RTN1: variants seen among roughly 807,000 people sequenced by gnomAD.
RTN1 encodes reticulon 1.
Under a neutral mutation model 65.5 loss-of-function variants are expected in RTN1, and 25 were observed. That is an observed-to-expected ratio of 0.38 (90% CI 0.28 to 0.53). RTN1 has a LOEUF of 0.53. Among genes scored for constraint, RTN1 ranks in the 20% least tolerant of loss-of-function variants. The probability of loss-of-function intolerance (pLI) is 0.79; values close to 1 mark genes in which losing one functional copy is unlikely to be tolerated. For synonymous variants in RTN1, 471 were observed against 447.6 expected (o/e 1.05, Z -0.66); for missense variants, 983 against 1,025.4 (o/e 0.96, Z 0.57).
intron 3 of RTN1, among the ~76,000 whole-genome samples, chr14:59,696,869 C>T (rs1419295033): frequency 2.0e-5 from 3 of 152,114 alleles, no homozygotes; most frequent in African/African-American, 7.2e-5. Flanking sequence ...TTAGTAAGAG[C>T]TTCCTAACTG....
chr14:59,710,134 C>A (rs990160778), intron 3 of RTN1, among the ~76,000 whole-genome samples: 2 of 151,746 alleles, frequency 1.3e-5, no homozygotes, highest in African/African-American at 4.8e-5. Flanking sequence ...CCTTACCCTC[C>A]CAGGCTCAAG....
chr14:59,741,453 T>C (rs1338252555), intron 2 of RTN1, among the ~76,000 whole-genome samples: 1 of 152,232 alleles, frequency 6.6e-6, no homozygotes, highest in Non-Finnish European at 1.5e-5. Context: ...TGTGTATGTC[T>C]TCTCAACTAG....
intron 1 of RTN1, among the ~76,000 whole-genome samples, chr14:59,819,767 T>A (rs2139626016): frequency 6.6e-6 from 1 of 152,202 alleles, no homozygotes; most frequent in Middle Eastern, 3.4e-3. Context: ...CGGGGAGGCC[T>A]ACAGTGCTGG....
chr14:59,869,929 G>T (rs1295720059), intron 1 of RTN1, among the ~76,000 whole-genome samples: 1 of 152,214 alleles, frequency 6.6e-6, no homozygotes, highest in East Asian at 1.9e-4. Context: ...GGACAGAGCC[G>T]GGTCCAGGGG....
At chr14:59,616,989 T>C (rs1186407798) in intron 3 of RTN1, among the ~76,000 whole-genome samples, 1 of 152,248 alleles carries the variant, frequency 6.6e-6, no homozygotes, top group Non-Finnish European at 1.5e-5. Context: ...CCTCTCTACC[T>C]AATTTCTCCA....
chr14:59,778,763 G>T (rs1314773230), intron 1 of RTN1, among the ~76,000 whole-genome samples: 1 of 152,140 alleles, frequency 6.6e-6, no homozygotes, highest in East Asian at 1.9e-4. Flanking sequence ...AGGGAATTAG[G>T]GTGGAAGAAA....
intron 3 of RTN1, among the ~76,000 whole-genome samples, chr14:59,654,700 AC>A (rs1457576807): frequency 6.6e-6 from 1 of 152,122 alleles, no homozygotes; most frequent in African/African-American, 2.4e-5. Context: ...AAGGACAAAA[AC>A]CATACAATTA....
At chr14:59,611,601 C>T (rs998151598) in intron 3 of RTN1, among the ~76,000 whole-genome samples, 2 of 152,052 alleles carry the variant, frequency 1.3e-5, no homozygotes, top group African/African-American at 4.8e-5. Flanking sequence ...TTTCTAGCTC[C>T]ACCATGGGGT....
Position 59,849,789 on chromosome 14 carries a change from CACTT to C in RTN1, c.241+20597_241+20600del, listed in dbSNP as rs1887471528. ...AAGTAAAGCCAAGAACTCCCACTCTCACTTACTCCAGGTTCTAGAATTTAGCCAA... is the reference window on the plus strand; with the variant it reads ...AAGTAAAGCCAAGAACTCCCACTCTCACTCCAGGTTCTAGAATTTAGCCAA... On this transcript the variant is annotated intron_variant, in intron 1 of 8. Transcript: ENST00000267484. This position sits in a 1 kb window ranked among gnomAD's most constrained non-coding sequence, Gnocchi z 4.5. Among the ~76,000 whole-genome samples the C allele has an allele frequency of 6.6e-6, 1 of 152,218 alleles. No homozygotes were observed. Among genetic ancestry groups the C allele is most frequent in the Non-Finnish European group, 1.5e-5 (1 of 68,032 alleles).
intron 2 of RTN1, among the ~76,000 whole-genome samples, chr14:59,730,643 A>G (rs1884878400): frequency 6.6e-6 from 1 of 152,230 alleles, no homozygotes; most frequent in African/African-American, 2.4e-5. Flanking sequence ...ATGACAAACT[A>G]TTACGACTCA....
rs376908813 is a variant in RTN1, at chr14:59,750,346, A to ATATATTATATATTATATCTATAATATAT, written c.242-3866_242-3865insATATATTATAGATATAATATATAATATA. ...TAATATATAATATATTATATCTATA[A>ATATATTATATATTATATCTATAATATAT]TATATATTATATCTATATATTATAT... is the stretch of plus-strand genomic sequence containing the variant. On this transcript the variant is annotated intron_variant, in intron 1 of 8. Coordinates refer to ENST00000267484, the MANE Select transcript of RTN1 (RefSeq NM_021136.3). Among the ~76,000 whole-genome samples, 13 of 40,396 alleles carry ATATATTATATATTATATCTATAATATAT rather than the reference A, an allele frequency of 3.2e-4. 1 individual carries two copies. The highest frequency in any genetic ancestry group is 2.8e-3 in the East Asian group (3 of 1,062). 26.5% of individuals were successfully genotyped at this position (40,396 alleles called of 152,430 possible).
intron 1 of RTN1, among the ~76,000 whole-genome samples, chr14:59,776,617 C>T (rs1344550081): frequency 2.0e-5 from 3 of 151,782 alleles, no homozygotes; most frequent in Admixed American, 2.0e-4. Context: ...GATTTTTAGC[C>T]CTTCTCTCTA....
At position 59,745,877 on chromosome 14, in the gene RTN1, T is replaced by G. The variant is rs1181115379; in HGVS notation, c.846A>C (p.Lys282Asn). ...RRAPQITTPV[K>N]ITLTEIEPSV... ...AAGGTTCTATTTCCGTCAGTGTGAT[T>G]TTGACAGGGGTGGTGATCTGAGGAG... The change falls in exon 2 of 9, where the codon AAA becomes AAC. Residue 282 changes from lysine (K) to asparagine (N), a missense_variant. By Grantham distance (94) the Lys-to-Asn change is moderately conservative. Transcript: ENST00000267484. The G allele has an allele frequency of 6.2e-7, 1 of 1,613,990 alleles. No individual in the cohort carries two copies. Among genetic ancestry groups the G allele is most frequent in the African/African-American group, 1.3e-5 (1 of 74,904 alleles).
intron 3 of RTN1, among the ~76,000 whole-genome samples, chr14:59,682,216 A>G (rs187651828): frequency 1.6e-4 from 24 of 152,282 alleles, no homozygotes; most frequent in African/African-American, 5.3e-4. Flanking sequence ...CTTTTCTTCA[A>G]CTGAAATTCT....
intron 1 of RTN1, among the ~76,000 whole-genome samples, chr14:59,763,734 T>A (rs1289775629): frequency 6.6e-6 from 1 of 152,062 alleles, no homozygotes; most frequent in African/African-American, 2.4e-5. Flanking sequence ...GGTTTCACTG[T>A]GTTAGCCAGG....
rs566904416 is a variant in RTN1, at chr14:59,710,234, A to G, written c.1765+16685T>C. Among the ~76,000 whole-genome samples, 10 of 151,856 alleles carry G rather than the reference A, an allele frequency of 6.6e-5. 1 individual carries two copies. The highest frequency in any genetic ancestry group is 2.0e-4 in the Admixed American group (3 of 15,274). The stretch of plus-strand genomic sequence containing the variant: ...ATTTTTGTATCTTTTTTTTGTAAAG[A>G]TGGGGTTTTGTCATGTTGCTAAGGC... On this transcript the variant is annotated intron_variant, in intron 3 of 8. Coordinates refer to ENST00000267484, the MANE Select transcript of RTN1 (RefSeq NM_021136.3).
chr14:59,619,774 G>A (rs1882205626), intron 3 of RTN1, among the ~76,000 whole-genome samples: 1 of 152,138 alleles, frequency 6.6e-6, no homozygotes, highest in South Asian at 2.1e-4. Flanking sequence ...CAAGGAGAAG[G>A]ACATTTCTCA....
chr14:59,807,719 G>T (rs185595801), intron 1 of RTN1, among the ~76,000 whole-genome samples: 28 of 152,256 alleles, frequency 1.8e-4, no homozygotes, highest in Non-Finnish European at 2.9e-4. Context: ...ATTTTAACTG[G>T]AAAATGTAAC....
chr14:59,812,063 T>C (rs1435341005), intron 1 of RTN1, among the ~76,000 whole-genome samples: 1 of 152,170 alleles, frequency 6.6e-6, no homozygotes, highest in Non-Finnish European at 1.5e-5. Context: ...CACCTCACTG[T>C]GAAACCCATT....
Sources: allele counts gnomAD v4.1 joint callset (sites outside exome capture counted in the v4.1 genomes callset), GRCh38; gene constraint gnomAD v4.1.1; non-coding constraint Gnocchi (gnomAD v3.1); transcripts MANE v1.5; gene names NCBI Gene and HGNC (gene_info 2026-07-23, HGNC 2026-07-21).